CFAP299: variants seen among roughly 807,000 people sequenced by gnomAD.
The protein encoded by CFAP299 is cilia and flagella associated protein 299.
A neutral mutation model predicts 27.0 loss-of-function variants in CFAP299; 21 were observed. That is an observed-to-expected ratio of 0.78 (90% CI 0.55 to 1.12). The LOEUF (loss-of-function observed/expected upper bound fraction) is 1.12. Ranked by LOEUF, CFAP299 falls within the 50% of genes most tolerant of loss-of-function variation. CFAP299 has a pLI of 0.00. For synonymous variants in CFAP299, 104 were observed against 98.1 expected, an observed-to-expected ratio of 1.06 and a Z score of -0.36; for missense variants, 310 against 276.6, an observed-to-expected ratio of 1.12 and a Z score of -0.86.
chr4:80,864,546 G>T (rs1732602279), intron 3 of CFAP299, among the ~76,000 whole-genome samples: 1 of 144,408 alleles, frequency 6.9e-6, no homozygotes, highest in Non-Finnish European at 1.5e-5. Flanking sequence ...GTATATATAG[G>T]TATATATATA....
At chr4:80,496,723 A>G (rs1731457514) in intron 2 of CFAP299, among the ~76,000 whole-genome samples, 1 of 152,196 alleles carries the variant, frequency 6.6e-6, no homozygotes, top group African/African-American at 2.4e-5. Context: ...CCTATAAAGA[A>G]ATACCAGAGA....
At chr4:80,451,645 A>G (rs1433093442) in intron 2 of CFAP299, among the ~76,000 whole-genome samples, 1 of 152,196 alleles carries the variant, frequency 6.6e-6, no homozygotes, top group East Asian at 1.9e-4. Context: ...GTTTCCTTTG[A>G]ATCTTTTGAC....
chr4:80,393,647 G>C (rs1725618501), intron 2 of CFAP299, among the ~76,000 whole-genome samples: 1 of 152,080 alleles, frequency 6.6e-6, no homozygotes, highest in Non-Finnish European at 1.5e-5. Context: ...TTTTAGCCTA[G>C]GGGTAATAGG....
chr4:80,640,404 A>C (rs1247438263), intron 3 of CFAP299, among the ~76,000 whole-genome samples: 1 of 152,148 alleles, frequency 6.6e-6, no homozygotes, highest in East Asian at 1.9e-4. Context: ...CTTTCCTCTT[A>C]ATAAGCCACC....
intron 2 of CFAP299, among the ~76,000 whole-genome samples, chr4:80,536,559 C>T (rs546061423): frequency 2.6e-5 from 4 of 152,146 alleles, no homozygotes; most frequent in African/African-American, 9.6e-5. Flanking sequence ...AGAAATAAAT[C>T]CCCACATTTA....
At chr4:80,623,094 G>A (rs75936934) in intron 3 of CFAP299, among the ~76,000 whole-genome samples, 1,657 of 152,126 alleles carry the variant, frequency 0.011, 18 homozygotes, top group Middle Eastern at 0.017. Context: ...AATATTTTAT[G>A]CTTCTGTTCT....
chr4:80,860,455 C>G (rs1278558599), intron 3 of CFAP299, among the ~76,000 whole-genome samples: 1 of 152,196 alleles, frequency 6.6e-6, no homozygotes, highest in Non-Finnish European at 1.5e-5. Flanking sequence ...TGGTGAGGAA[C>G]TGCGATCCTT....
chr4:80,909,938 A>G (rs1735383646), intron 4 of CFAP299, among the ~76,000 whole-genome samples: 1 of 152,156 alleles, frequency 6.6e-6, no homozygotes, highest in South Asian at 2.1e-4. Context: ...CTTATAATTA[A>G]CTGATGATGT....
At chr4:80,924,536 G>GTATA (rs1209342041) in intron 4 of CFAP299, among the ~76,000 whole-genome samples, 13 of 130,996 alleles carry the variant, frequency 9.9e-5, no homozygotes, top group South Asian at 4.7e-4. Context: ...GTGTGTGTGT[G>GTATA]TGTATATATA....
chr4:80,388,450 G>C, intron 2 of CFAP299: 1 of 936,258 alleles, frequency 1.1e-6, no homozygotes, highest in Non-Finnish European at 1.7e-6. Flanking sequence ...TGCTGTTGGT[G>C]ACCAGCGAGA....
chr4:80,584,648 C>T (rs745931710), intron 3 of CFAP299, among the ~76,000 whole-genome samples: 1 of 152,018 alleles, frequency 6.6e-6, no homozygotes, highest in Non-Finnish European at 1.5e-5. Context: ...TCATCTTATA[C>T]CTCCAGTTGA....
At chr4:80,911,994 G>T (rs929341599) in intron 4 of CFAP299, among the ~76,000 whole-genome samples, 2 of 151,890 alleles carry the variant, frequency 1.3e-5, no homozygotes, top group Admixed American at 6.6e-5. Context: ...TTTGAGGAAA[G>T]CTGACCTCTG....
At chr4:80,897,157 T>C (rs1166627181) in intron 4 of CFAP299, among the ~76,000 whole-genome samples, 1 of 152,178 alleles carries the variant, frequency 6.6e-6, no homozygotes, top group Non-Finnish European at 1.5e-5. Context: ...TGAAATGGAA[T>C]ATAAGACACA....
chr4:80,855,897 T>C (rs2110152649), intron 3 of CFAP299, among the ~76,000 whole-genome samples: 1 of 151,888 alleles, frequency 6.6e-6, no homozygotes, highest in African/African-American at 2.4e-5. Flanking sequence ...AGCAGCATGA[T>C]TTATAGTCCT....
chr4:80,944,699 T>G, intron 4 of CFAP299, 111 bp from the exon 5 acceptor site: 1 of 729,934 alleles, frequency 1.4e-6, no homozygotes, highest in Non-Finnish European at 2.3e-6. Context: ...TTGTATGGCA[T>G]GTTTGTATCC....
rs907447720 is a variant in CFAP299 at position 80,626,065 on chromosome 4, C to G, written c.333+42882C>G. ...AACAAATATATGCCCAACATTTCAC[C>G]CCAAAGCTGCAGAATATATATTATT... is the stretch of plus-strand genomic sequence containing the variant. On this transcript the variant is annotated intron_variant, in intron 3 of 5. Transcript: ENST00000358105. Among the ~76,000 whole-genome samples, 4 of 151,776 alleles carry G rather than the reference C, an allele frequency of 2.6e-5. No homozygotes were observed. The East Asian group carries it at 7.7e-4, about 29-fold the overall frequency.
chr4:80,808,619 G>C (rs1175900830), intron 3 of CFAP299, among the ~76,000 whole-genome samples: 6 of 152,024 alleles, frequency 3.9e-5, no homozygotes. Context: ...TGAGTATATA[G>C]TGATCCTTTT....
intron 3 of CFAP299, among the ~76,000 whole-genome samples, chr4:80,602,699 GT>G (rs938283287): frequency 6.6e-6 from 1 of 151,880 alleles, no homozygotes; most frequent in African/African-American, 2.4e-5. Context: ...AAATCTATTA[GT>G]TTAACAGAAG....
chr4:80,780,068 A>G (rs1726783737), intron 3 of CFAP299, among the ~76,000 whole-genome samples: 1 of 151,818 alleles, frequency 6.6e-6, no homozygotes, highest in South Asian at 2.1e-4. Flanking sequence ...TATTGCCACA[A>G]TTGTTCATTT....
Sources: gnomAD v4.1 joint callset for allele counts (sites outside exome capture counted in the v4.1 genomes callset) on GRCh38, gnomAD v4.1.1 for gene constraint, MANE v1.5 for transcripts, NCBI Gene and HGNC (gene_info 2026-07-23, HGNC 2026-07-21) for gene names.